The following ARL15 variants were observed in gnomAD, a reference collection of about 807,000 sequenced individuals.
The protein encoded by ARL15 is ADP-ribosylation factor-like protein 15.
ARL15 carries 19 observed loss-of-function variants against 25.2 expected under a neutral mutation model. The observed-to-expected ratio is 0.75, with a 90% confidence interval of 0.53 to 1.10. The LOEUF (loss-of-function observed/expected upper bound fraction) is 1.10. ARL15 is among the 50% of genes least tolerant of loss of function. The pLI, the probability that ARL15 is intolerant of heterozygous loss-of-function variation, is 0.00. For missense variants in ARL15, 220 were observed against 246.0 expected (o/e 0.89, Z 0.71); for synonymous variants, 94 against 86.8 (o/e 1.08, Z -0.46).
At chr5:54,302,509 C>G (rs532901719) in intron 1 of ARL15, among the ~76,000 whole-genome samples, 88 of 152,126 alleles carry the variant, frequency 5.8e-4, no homozygotes, top group Non-Finnish European at 9.7e-4. Context: ...TTACCAGACA[C>G]TAGACTAGAT....
chr5:54,124,321 T>C (rs1039767487), intron 3 of ARL15, among the ~76,000 whole-genome samples: 1 of 152,238 alleles, frequency 6.6e-6, no homozygotes, highest in Non-Finnish European at 1.5e-5. Context: ...TAAAAGTATG[T>C]TAATCTGCTT....
chr5:54,240,967 T>C (rs890366631), intron 1 of ARL15, among the ~76,000 whole-genome samples: 3 of 152,176 alleles, frequency 2.0e-5, no homozygotes, highest in African/African-American at 7.2e-5. Context: ...AAGTACTCAA[T>C]TGGTACTAGT....
intron 1 of ARL15, among the ~76,000 whole-genome samples, chr5:54,263,745 C>T (rs957337480): frequency 6.6e-5 from 10 of 152,070 alleles, no homozygotes; most frequent in Admixed American, 6.5e-4. Context: ...AGCAGTGAAC[C>T]AAGCAGAGAG....
chr5:54,278,633 T>G (rs142671873), intron 1 of ARL15, among the ~76,000 whole-genome samples: 1 of 152,364 alleles, frequency 6.6e-6, no homozygotes, highest in East Asian at 1.9e-4. Context: ...TTTTATCTGC[T>G]TCCCTCTGTC....
At chr5:54,044,035 C>G (rs1750430016) in intron 4 of ARL15, among the ~76,000 whole-genome samples, 1 of 151,906 alleles carries the variant, frequency 6.6e-6, no homozygotes, top group South Asian at 2.1e-4. Context: ...AATTCTATCT[C>G]GTCACTCCTA....
intron 4 of ARL15, among the ~76,000 whole-genome samples, chr5:54,107,361 G>C (rs1010626321): frequency 1.3e-5 from 2 of 152,240 alleles, no homozygotes; most frequent in Admixed American, 1.3e-4. Flanking sequence ...TGGTACATAA[G>C]CATAAGTGAG....
At chr5:54,008,351 C>T (rs1749115391) in intron 4 of ARL15, among the ~76,000 whole-genome samples, 3 of 152,122 alleles carry the variant, frequency 2.0e-5, no homozygotes, top group Non-Finnish European at 4.4e-5. Context: ...TAATGCATTG[C>T]GACTACTAAA....
intron 4 of ARL15, among the ~76,000 whole-genome samples, chr5:54,094,221 C>G (rs1395426040): frequency 2.0e-5 from 3 of 152,080 alleles, no homozygotes; most frequent in Non-Finnish European, 4.4e-5. Flanking sequence ...TCTCATATGG[C>G]TTTTATTTGG....
At chr5:54,268,260 G>A (rs1369348215) in intron 1 of ARL15, among the ~76,000 whole-genome samples, 2 of 151,736 alleles carry the variant, frequency 1.3e-5, no homozygotes, top group South Asian at 2.1e-4. Context: ...TGATCGCATC[G>A]GCTCCTGAGG....
intron 4 of ARL15, among the ~76,000 whole-genome samples, chr5:54,110,451 TA>T (rs1752707468): frequency 6.6e-6 from 1 of 152,190 alleles, no homozygotes; most frequent in East Asian, 1.9e-4. Flanking sequence ...GAAGAATCAA[TA>T]GCCTTTATGA....
intron 4 of ARL15, among the ~76,000 whole-genome samples, chr5:54,033,395 C>A (rs1750058304): frequency 6.6e-6 from 1 of 151,966 alleles, no homozygotes; most frequent in Admixed American, 6.5e-5. Flanking sequence ...TTTAGTTGGG[C>A]ACAGTGGCCC....
chr5:54,129,791 A>G (rs1420169261), intron 3 of ARL15, among the ~76,000 whole-genome samples: 1 of 152,218 alleles, frequency 6.6e-6, no homozygotes, highest in Admixed American at 6.5e-5. Flanking sequence ...TTTTAAAGCA[A>G]ACCGTTAATA....
intron 1 of ARL15, among the ~76,000 whole-genome samples, chr5:54,208,364 C>A (rs1378283093): frequency 6.6e-6 from 1 of 152,030 alleles, no homozygotes; most frequent in Admixed American, 6.6e-5. Flanking sequence ...CAGAACTATA[C>A]AATGAGATGA....
intron 1 of ARL15, among the ~76,000 whole-genome samples, chr5:54,184,228 A>G (rs1755155997): frequency 7.8e-6 from 1 of 128,816 alleles, no homozygotes; most frequent in Non-Finnish European, 1.6e-5. Context: ...GTGCACATGT[A>G]CCCTAAAACT....
intron 4 of ARL15, among the ~76,000 whole-genome samples, chr5:53,925,777 C>T (rs1461121791): frequency 6.6e-6 from 1 of 152,032 alleles, no homozygotes; most frequent in African/African-American, 2.4e-5. Flanking sequence ...CACTGCACTC[C>T]AGTCTGGGTG....
chr5:54,134,181 T>G (rs1753524918), intron 3 of ARL15, among the ~76,000 whole-genome samples: 1 of 152,178 alleles, frequency 6.6e-6, no homozygotes, highest in Admixed American at 6.5e-5. Context: ...TGAACCACCA[T>G]GGGTTCACTA....
intron 4 of ARL15, among the ~76,000 whole-genome samples, chr5:54,025,668 T>G (rs1364250919): frequency 6.6e-6 from 1 of 152,138 alleles, no homozygotes; most frequent in Non-Finnish European, 1.5e-5. Flanking sequence ...TTTGTTTGTT[T>G]GTTTGTTTGT....
intron 4 of ARL15, among the ~76,000 whole-genome samples, chr5:54,053,237 CAACA>C (rs200376325): frequency 0.057 from 8,640 of 151,748 alleles, 836 homozygotes; most frequent in African/African-American, 0.2. Context: ...ACAACAACAA[CAACA>C]AACAACAACA....
intron 3 of ARL15, among the ~76,000 whole-genome samples, chr5:54,114,418 A>AAAAAAAAAAAAAAAAAG (rs1432474611): frequency 6.8e-6 from 1 of 148,124 alleles, no homozygotes; most frequent in African/African-American, 2.4e-5. Context: ...AAAAAAAAAA[A>AAAAAAAAAAAAAAAAAG]AAAAGCAACA....
Sources: allele counts gnomAD v4.1 joint callset (sites outside exome capture counted in the v4.1 genomes callset), GRCh38; gene constraint gnomAD v4.1.1; transcripts MANE v1.5; gene names NCBI Gene and HGNC (gene_info 2026-07-23, HGNC 2026-07-21).